Variants in PIAS2 observed in about 807,000 individuals in gnomAD.
PIAS2 encodes E3 SUMO-protein ligase PIAS2.
Under a neutral mutation model 69.7 loss-of-function variants are expected in PIAS2, and 19 were observed. The ratio of observed to expected loss-of-function variants is 0.27; its 90% confidence interval spans 0.19 to 0.40. The LOEUF (loss-of-function observed/expected upper bound fraction) is 0.40, where lower values mean the gene tolerates loss of function less well. Among genes scored for constraint, PIAS2 ranks in the 10% least tolerant of loss-of-function variants. The pLI is 1.00. For synonymous variants in PIAS2, 261 were observed against 263.2 expected, an observed-to-expected ratio of 0.99 and a Z score of 0.08; for missense variants, 624 against 757.0, an observed-to-expected ratio of 0.82 and a Z score of 2.06.
At chr18:46,817,839 G>A (rs2041723739) in intron 12 of PIAS2, 1 of 959,320 alleles carries the variant, frequency 1.0e-6, no homozygotes, top group African/African-American at 1.8e-5. Context: ...AAGTCTTCTT[G>A]CATTTTACAT....
At chr18:46,863,291 G>A (rs1241237625) in intron 3 of PIAS2, among the ~76,000 whole-genome samples, 1 of 151,916 alleles carries the variant, frequency 6.6e-6, no homozygotes, top group African/African-American at 2.4e-5. Context: ...CTGTCTTTGG[G>A]CTACTATAAA....
At position 46,890,808 on chromosome 18, in the gene PIAS2, G is replaced by A. The variant is rs1202999790; in HGVS notation, c.271C>T (p.Pro91Ser). 6.2e-7 allele frequency: 1 copy of A among 1,614,156 alleles called. No homozygotes were observed. The change falls in exon 2 of 14, where the codon CCT becomes TCT. Residue 91 changes from proline (P) to serine (S), a missense_variant. By Grantham distance (74) the Pro-to-Ser change is moderately conservative. Transcript: ENST00000585916. ...GCCACGGCCAAGTCAGGTTCTACAG[G>A]TGATGAGCCACCATCCAAACTGAAA... is the stretch of plus-strand genomic sequence containing the variant. ...SVFSLDGGSSPVEPDLAVAGI... is the reference protein window; with the variant it reads ...SVFSLDGGSSSVEPDLAVAGI...
At chr18:46,909,633 G>A (rs2057029371) in intron 1 of PIAS2, among the ~76,000 whole-genome samples, 1 of 152,194 alleles carries the variant, frequency 6.6e-6, no homozygotes, top group African/African-American at 2.4e-5. Flanking sequence ...AGAGAACGAA[G>A]ACTGACACCA....
intron 8 of PIAS2, among the ~76,000 whole-genome samples, chr18:46,837,807 C>T (rs2044678763): frequency 6.6e-6 from 1 of 152,122 alleles, no homozygotes; most frequent in Non-Finnish European, 1.5e-5. Flanking sequence ...CTGTTTATAA[C>T]CAGTCCTGCT....
At chr18:46,883,681 A>G (rs901650612) in intron 2 of PIAS2, among the ~76,000 whole-genome samples, 1 of 152,092 alleles carries the variant, frequency 6.6e-6, no homozygotes, top group African/African-American at 2.4e-5. Flanking sequence ...TCTACAAAAA[A>G]ATACAAAAAA....
intron 2 of PIAS2, 31 bp from the exon 3 acceptor site, chr18:46,864,279 T>A (rs769099886): frequency 6.9e-7 from 1 of 1,443,258 alleles, no homozygotes; most frequent in Non-Finnish European, 9.5e-7. Flanking sequence ...AAAGATAATA[T>A]TTCAATAACA....
At chr18:46,910,694 C>G (rs1274161642) in intron 1 of PIAS2, among the ~76,000 whole-genome samples, 1 of 152,104 alleles carries the variant, frequency 6.6e-6, no homozygotes, top group Non-Finnish European at 1.5e-5. Flanking sequence ...TAAACAAATC[C>G]CGTAGATCGT....
chr18:46,873,899 TTCCCATCTTC>T (rs2050755490), intron 2 of PIAS2, among the ~76,000 whole-genome samples: 1 of 152,112 alleles, frequency 6.6e-6, no homozygotes, highest in Non-Finnish European at 1.5e-5. Flanking sequence ...CCTACCGCCA[TTCCCATCTTC>T]TCCCCCGCTG....
chr18:46,905,953 A>G (rs762692019), intron 1 of PIAS2: 6 of 152,172 alleles, frequency 3.9e-5, no homozygotes, highest in Non-Finnish European at 7.4e-5. Flanking sequence ...CCTAAATTAA[A>G]TATCTCCAAA....
At chr18:46,865,243 G>GT (rs1056251670) in intron 2 of PIAS2, among the ~76,000 whole-genome samples, 3 of 152,016 alleles carry the variant, frequency 2.0e-5, no homozygotes, top group African/African-American at 7.2e-5. Context: ...CATCACCCAA[G>GT]TAAAGGCAAA....
intron 3 of PIAS2, among the ~76,000 whole-genome samples, chr18:46,855,992 C>CTTT (rs1256937354): frequency 5.1e-4 from 35 of 69,136 alleles, no homozygotes; most frequent in Middle Eastern, 0.01. Flanking sequence ...TTTTCTTTTT[C>CTTT]TTTTGTTTTT....
At chr18:46,847,074 CATTAAA>C (rs2046260672) in intron 5 of PIAS2, among the ~76,000 whole-genome samples, 1 of 152,158 alleles carries the variant, frequency 6.6e-6, no homozygotes, top group Non-Finnish European at 1.5e-5. Flanking sequence ...CATGTTCCAA[CATTAAA>C]ATTAAAGATG....
rs1289443130 is a variant in PIAS2, at chr18:46,806,389, ACT to A, written c.*6042_*6043del. The A allele has an allele frequency of 2.4e-5, 1 of 41,614 alleles. No homozygotes were observed. Among genetic ancestry groups the A allele is most frequent in the African/African-American group, 7.0e-5 (1 of 14,268 alleles). 2.6% of individuals were successfully genotyped at this position (41,614 alleles called of 1,614,324 possible). The stretch of plus-strand genomic sequence containing the variant: ...TTTTTTTTTTTTTTTTTTTGGTCTC[ACT>A]CTGTCACCCAGGCTGGAGTACAGGG... On this transcript the variant is annotated 3_prime_UTR_variant, in exon 14 of 14. Transcript: ENST00000585916.
At chr18:46,844,446 C>A (rs900931902) in intron 7 of PIAS2, among the ~76,000 whole-genome samples, 56 of 152,266 alleles carry the variant, frequency 3.7e-4, no homozygotes, top group African/African-American at 1.3e-3. Flanking sequence ...TTTTCCAACA[C>A]ACATTCATCA....
chr18:46,806,328 A>AAAAT lies in PIAS2; in HGVS notation c.*6101_*6104dup, dbSNP rs1036570172. On this transcript the variant is annotated 3_prime_UTR_variant, in exon 14 of 14. Coordinates refer to ENST00000585916, the MANE Select transcript of PIAS2 (RefSeq NM_004671.5). Reference sequence around the variant, plus strand: ...CATTGCAAGAATGAGACATTCTTGGAAAATTCTTTGCACAATGCCTGTTAC... The same window carrying AAAAT: ...CATTGCAAGAATGAGACATTCTTGGAAAATAAATTCTTTGCACAATGCCTGTTAC... 1.7e-4 allele frequency: 23 copies of AAAAT among 139,092 alleles called. No individual in the cohort carries two copies. Among genetic ancestry groups the AAAAT allele is most frequent in the African/African-American group, 5.7e-4 (22 of 38,324 alleles). The allele number at this position is 139,092 out of a possible 1,614,324, so 8.6% of individuals were successfully genotyped here. A position where few individuals can be genotyped will look rare whatever the true frequency, so the allele number is the denominator to read the frequency against.
At chr18:46,822,606 T>G (rs915208347) in intron 11 of PIAS2, among the ~76,000 whole-genome samples, 1 of 152,154 alleles carries the variant, frequency 6.6e-6, no homozygotes, top group African/African-American at 2.4e-5. Flanking sequence ...AAATAAGTTA[T>G]ATTGTATCTA....
chr18:46,880,941 A>G (rs186560107), intron 2 of PIAS2, among the ~76,000 whole-genome samples: 55 of 152,354 alleles, frequency 3.6e-4, no homozygotes, highest in Middle Eastern at 3.4e-3. Flanking sequence ...TATATACAGC[A>G]AAGTTTTTCT....
intron 3 of PIAS2, among the ~76,000 whole-genome samples, chr18:46,860,306 T>A (rs973583462): frequency 6.6e-6 from 1 of 152,174 alleles, no homozygotes; most frequent in African/African-American, 2.4e-5. Context: ...GGGAGAGAAG[T>A]AGTTAAATGA....
intron 2 of PIAS2, among the ~76,000 whole-genome samples, chr18:46,882,312 T>C (rs72913049): frequency 0.01 from 1,569 of 152,042 alleles, 13 homozygotes; most frequent in Non-Finnish European, 0.017. Context: ...TAAAAAGAGA[T>C]TGATTCTTAT....
Sources: allele counts gnomAD v4.1 joint callset (sites outside exome capture counted in the v4.1 genomes callset), GRCh38; gene constraint gnomAD v4.1.1; transcripts MANE v1.5; gene names NCBI Gene and HGNC (gene_info 2026-07-23, HGNC 2026-07-21).